ST18: variants seen among roughly 807,000 people sequenced by gnomAD.
The protein encoded by ST18 is suppression of tumorigenicity 18 protein.
ST18 carries 50 observed loss-of-function variants against 110.0 expected under a neutral mutation model. The ratio of observed to expected loss-of-function variants is 0.45; its 90% CI spans 0.36 to 0.58. The LOEUF is 0.58. ST18 is among the 20% of genes least tolerant of loss of function. The probability of loss-of-function intolerance (pLI) is 0.00; values close to 1 mark genes in which losing one functional copy is unlikely to be tolerated. For missense variants in ST18, 1,306 were observed against 1,280.1 expected (o/e 1.02, Z -0.31); for synonymous variants, 461 against 452.4 (o/e 1.02, Z -0.24).
intron 2 of ST18, chr8:52,404,048 A>G (rs886394447): frequency 6.6e-6 from 1 of 152,222 alleles, no homozygotes; most frequent in African/African-American, 2.4e-5. Flanking sequence ...GCTACCAGAT[A>G]AATCACACTG....
rs1055717474 is a variant in ST18 at position 52,112,565 on chromosome 8, T to G, written c.*633A>C. The G allele has an allele frequency of 6.6e-6, 1 of 152,594 alleles. No homozygotes were observed. The highest frequency in any genetic ancestry group is 6.5e-5 in the Admixed American group (1 of 15,270). 9.5% of individuals were successfully genotyped at this position (152,594 alleles called of 1,614,324 possible). On this transcript the variant is annotated 3_prime_UTR_variant, in exon 26 of 26. Coordinates refer to ENST00000689386, the MANE Select transcript of ST18 (RefSeq NM_001352837.2). ...ATCCTGTGCTTTTGTGAGTGCGGAT[T>G]CCCCACTAGTGGGCGCCATTTGTCT...
In ST18 at chr8:52,309,520, C is replaced by CAAAAAAAAA. The variant is rs756214451; in HGVS notation, c.-464-79452_-464-79444dup. Among the ~76,000 whole-genome samples, 28 of 37,748 alleles carry CAAAAAAAAA rather than the reference C, an allele frequency of 7.4e-4. 1 individual carries two copies. Among genetic ancestry groups the CAAAAAAAAA allele is most frequent in the East Asian group, 1.8e-3 (2 of 1,134 alleles). 24.8% of individuals were successfully genotyped at this position (37,748 alleles called of 152,430 possible). A position where few individuals can be genotyped will look rare whatever the true frequency, so the allele number is the denominator to read the frequency against. ...TGGGCAACAGAGCAAGACTCCATCTCAAAAAAAAAAAAAAAAAAAAAAAAG... is the reference window on the plus strand; with the variant it reads ...TGGGCAACAGAGCAAGACTCCATCTCAAAAAAAAAAAAAAAAAAAAAAAAAAAAAAAAAG... On this transcript the variant is annotated intron_variant, in intron 2 of 25. Coordinates refer to ENST00000689386, the MANE Select transcript of ST18 (RefSeq NM_001352837.2).
intron 22 of ST18, 78 bp from the exon 23 acceptor site, chr8:52,126,218 T>C: frequency 7.1e-7 from 1 of 1,414,962 alleles, no homozygotes; most frequent in Admixed American, 1.9e-5. Context: ...ATTCACAACC[T>C]ACTATTTGTG....
chr8:52,136,060 T>G (rs554916751), intron 19 of ST18, among the ~76,000 whole-genome samples: 1 of 152,282 alleles, frequency 6.6e-6, no homozygotes, highest in African/African-American at 2.4e-5. Context: ...AAATGAGAAC[T>G]TTGTATTAAA....
chr8:52,340,439 C>T (rs1477709389), intron 2 of ST18, among the ~76,000 whole-genome samples: 4 of 152,180 alleles, frequency 2.6e-5, no homozygotes, highest in African/African-American at 9.7e-5. Context: ...GGATCCAGTG[C>T]AGGAAACTCA....
At chr8:52,285,649 C>T (rs1033373630) in intron 2 of ST18, among the ~76,000 whole-genome samples, 2 of 152,188 alleles carry the variant, frequency 1.3e-5, no homozygotes, top group Admixed American at 6.5e-5. Flanking sequence ...TTTGAAACCA[C>T]AGAGCCCCCA....
chr8:52,256,925 A>G (rs1372184684), intron 2 of ST18, among the ~76,000 whole-genome samples: 3 of 152,146 alleles, frequency 2.0e-5, no homozygotes, highest in Admixed American at 2.0e-4. Context: ...TGCCATACTC[A>G]TTAGCAGTCA....
Position 52,322,846 on chromosome 8 carries a change from T to G in ST18, c.-465+86482A>C, listed in dbSNP as rs538151325. 7.9e-5 allele frequency among the ~76,000 whole-genome samples: 12 copies of G among 152,314 alleles called. 1 individual carries two copies. The South Asian group carries it at 2.5e-3, about 32-fold the overall frequency. ...AAAATACCACACTCAAGAGTTCACT[T>G]TAAAAGAATCTGATAGCTATCATTG... On this transcript the variant is annotated intron_variant, in intron 2 of 25. Transcript: ENST00000689386.
At chr8:52,284,138 T>C (rs1382968629) in intron 2 of ST18, among the ~76,000 whole-genome samples, 1 of 152,058 alleles carries the variant, frequency 6.6e-6, no homozygotes, top group Non-Finnish European at 1.5e-5. Context: ...AGAGCCAAAG[T>C]GGTGTGCATG....
intron 14 of ST18, 91 bp downstream of exon 14, chr8:52,161,284 T>C (rs2061390324): frequency 7.5e-7 from 1 of 1,329,774 alleles, no homozygotes; most frequent in South Asian, 1.5e-5. Context: ...GTATATCATA[T>C]ATTTAAGTAC....
At chr8:52,179,607 G>A (rs888559943) in intron 9 of ST18, among the ~76,000 whole-genome samples, 1 of 151,826 alleles carries the variant, frequency 6.6e-6, no homozygotes, top group Non-Finnish European at 1.5e-5. Flanking sequence ...GGTTCATGTT[G>A]TTATTACCAA....
At chr8:52,339,626 G>T (rs1359997589) in intron 2 of ST18, among the ~76,000 whole-genome samples, 1 of 152,184 alleles carries the variant, frequency 6.6e-6, no homozygotes, top group South Asian at 2.1e-4. Context: ...CTGGGCTGAG[G>T]TCCGAGGTCT....
chr8:52,135,801 C>T (rs1443191322), intron 19 of ST18, among the ~76,000 whole-genome samples: 3 of 151,816 alleles, frequency 2.0e-5, no homozygotes, highest in Admixed American at 6.6e-5. Flanking sequence ...AAATATAATA[C>T]GTGAAATGTT....
intron 2 of ST18, among the ~76,000 whole-genome samples, chr8:52,282,911 C>T (rs1023304318): frequency 6.6e-6 from 1 of 151,958 alleles, no homozygotes; most frequent in Non-Finnish European, 1.5e-5. Flanking sequence ...AGGGTTTGGG[C>T]AGAAGAGTGG....
intron 2 of ST18, among the ~76,000 whole-genome samples, chr8:52,246,376 A>C (rs896484769): frequency 1.3e-5 from 2 of 152,148 alleles, no homozygotes; most frequent in Admixed American, 1.3e-4. Context: ...GCATAATCTT[A>C]AGAGTTAAAG....
chr8:52,215,503 G>A (rs1225773109), intron 6 of ST18, among the ~76,000 whole-genome samples: 1 of 152,140 alleles, frequency 6.6e-6, no homozygotes. Context: ...GCTCTCGTAA[G>A]CTAAAACTAT....
At chr8:52,224,777 C>T (rs1270643455) in intron 3 of ST18, among the ~76,000 whole-genome samples, 5 of 152,152 alleles carry the variant, frequency 3.3e-5, no homozygotes, top group East Asian at 1.9e-4. Context: ...TTCGCTTCCC[C>T]GAGTGATTGT....
chr8:52,127,477 C>G (rs2047525717), intron 22 of ST18, among the ~76,000 whole-genome samples: 1 of 152,100 alleles, frequency 6.6e-6, no homozygotes. Context: ...ATATTGTATT[C>G]TGAGAAAATA....
At chr8:52,239,824 C>T (rs1374920231) in intron 2 of ST18, among the ~76,000 whole-genome samples, 1 of 152,002 alleles carries the variant, frequency 6.6e-6, no homozygotes, top group African/African-American at 2.4e-5. Context: ...AGACAGGTCT[C>T]ACTCTGTCAC....
Sources: gnomAD v4.1 joint callset for allele counts (sites outside exome capture counted in the v4.1 genomes callset) on GRCh38, gnomAD v4.1.1 for gene constraint, MANE v1.5 for transcripts, NCBI Gene and HGNC (gene_info 2026-07-23, HGNC 2026-07-21) for gene names.